Variants in MYOZ2 observed in about 807,000 individuals in gnomAD.
MYOZ2 encodes the protein myozenin-2.
In MYOZ2, 19 loss-of-function variants were observed where a neutral mutation model predicts 25.4. The ratio of observed to expected loss-of-function variants is 0.75; its 90% confidence interval spans 0.52 to 1.10. MYOZ2 has a LOEUF of 1.10. Among genes scored for constraint, MYOZ2 ranks in the 50% least tolerant of loss-of-function variants. MYOZ2 has a pLI of 0.00. For synonymous variants in MYOZ2, 92 were observed against 106.9 expected (o/e 0.86, Z 0.86); for missense variants, 270 against 317.9 (o/e 0.85, Z 1.15).
intron 4 of MYOZ2, among the ~76,000 whole-genome samples, chr4:119,163,164 C>G (rs971346997): frequency 3.3e-5 from 5 of 151,744 alleles, no homozygotes; most frequent in Non-Finnish European, 7.4e-5. Flanking sequence ...TGGAGGCAAT[C>G]TGAAGAAAAT....
At chr4:119,140,424 A>G (rs977623366) in intron 2 of MYOZ2, among the ~76,000 whole-genome samples, 7 of 152,234 alleles carry the variant, frequency 4.6e-5, no homozygotes, top group Non-Finnish European at 7.3e-5. Context: ...GATTCAGTGT[A>G]CAAGTTTGGT....
At chr4:119,153,790 A>G (rs984557433) in intron 3 of MYOZ2, among the ~76,000 whole-genome samples, 3 of 152,170 alleles carry the variant, frequency 2.0e-5, no homozygotes, top group Non-Finnish European at 2.9e-5. Context: ...AATTCAAGCT[A>G]CATATACTTT....
intron 5 of MYOZ2, among the ~76,000 whole-genome samples, chr4:119,176,911 G>T (rs1025288935): frequency 6.6e-5 from 10 of 152,114 alleles, no homozygotes; most frequent in African/African-American, 2.4e-4. Flanking sequence ...TTTAGGTTGT[G>T]CTCTAAGATT....
intron 2 of MYOZ2, among the ~76,000 whole-genome samples, chr4:119,140,902 A>T (rs1741146780): frequency 6.6e-6 from 1 of 152,228 alleles, no homozygotes; most frequent in Non-Finnish European, 1.5e-5. Context: ...ACAGAGACAT[A>T]TGAAATAAGA....
At chr4:119,165,398 C>A (rs2149225606) in intron 5 of MYOZ2, among the ~76,000 whole-genome samples, 1 of 151,970 alleles carries the variant, frequency 6.6e-6, no homozygotes, top group Middle Eastern at 3.4e-3. Context: ...GTAGTCCCAG[C>A]TACTTGGCAG....
At chr4:119,159,946 T>G (rs1013572960) in intron 4 of MYOZ2, among the ~76,000 whole-genome samples, 1 of 152,170 alleles carries the variant, frequency 6.6e-6, no homozygotes, top group Non-Finnish European at 1.5e-5. Context: ...CAACAAAAGT[T>G]ATGGCAGAAA....
At chr4:119,158,859 AG>A (rs2149223679) in intron 4 of MYOZ2, among the ~76,000 whole-genome samples, 1 of 152,318 alleles carries the variant, frequency 6.6e-6, no homozygotes, top group East Asian at 1.9e-4. Flanking sequence ...ATGTCTATGA[AG>A]CAACAAAGAA....
intron 2 of MYOZ2, among the ~76,000 whole-genome samples, chr4:119,145,338 GTTTTTTTTTT>G (rs60344545): frequency 4.0e-5 from 4 of 100,638 alleles, no homozygotes; most frequent in Non-Finnish European, 5.7e-5. Context: ...TGCGTGTGTG[GTTTTTTTTTT>G]TTTTTTTTTT....
rs7653944 is a variant in MYOZ2 at position 119,136,010 on chromosome 4, C to T, written c.-15+28C>T. 159,352 of 159,764 alleles carry T rather than the reference C, an allele frequency of 1. 79,471 individuals are homozygous for T. The highest frequency in any genetic ancestry group is 1 in the Middle Eastern group (306 of 306). The allele number at this position is 159,764 out of a possible 1,614,324, so 9.9% of individuals were successfully genotyped here. On this transcript the variant is annotated intron_variant, in intron 1 of 5. Transcript: ENST00000307128. The stretch of plus-strand genomic sequence containing the variant: ...GAGTATGTTGTTTCCTAAAATGTTT[C>T]ATTAGTCAGTTGTCCAAGGATATTC...
chr4:119,181,325 T>C (rs1380121907), intron 5 of MYOZ2, among the ~76,000 whole-genome samples: 1 of 152,186 alleles, frequency 6.6e-6, no homozygotes, highest in Non-Finnish European at 1.5e-5. Flanking sequence ...TTCCATATCT[T>C]TGGTTCATGA....
chr4:119,158,547 C>A (rs1309874326), intron 4 of MYOZ2, among the ~76,000 whole-genome samples: 1 of 151,966 alleles, frequency 6.6e-6, no homozygotes, highest in Non-Finnish European at 1.5e-5. Context: ...CAGAGTAAGA[C>A]CCTGACTCAA....
chr4:119,171,078 A>T (rs1290638405), intron 5 of MYOZ2, among the ~76,000 whole-genome samples: 1 of 152,176 alleles, frequency 6.6e-6, no homozygotes, highest in Non-Finnish European at 1.5e-5. Flanking sequence ...TAAAGGTAAA[A>T]GTTAAGACAT....
At chr4:119,160,331 T>A (rs1741678200) in intron 4 of MYOZ2, among the ~76,000 whole-genome samples, 1 of 148,098 alleles carries the variant, frequency 6.8e-6, no homozygotes, top group Admixed American at 6.7e-5. Context: ...TTTTTTTTTT[T>A]ATTAAATAGG....
chr4:119,145,338 GTTTTTTTTTTTT>G (rs60344545), intron 2 of MYOZ2, among the ~76,000 whole-genome samples: 1 of 100,642 alleles, frequency 9.9e-6, no homozygotes, highest in African/African-American at 4.3e-5. Flanking sequence ...TGCGTGTGTG[GTTTTTTTTTTTT>G]TTTTTTTTTT....
chr4:119,147,468 C>T (rs1006660184), intron 2 of MYOZ2, among the ~76,000 whole-genome samples: 3 of 152,040 alleles, frequency 2.0e-5, no homozygotes, highest in African/African-American at 7.2e-5. Context: ...TGGCCAGGCA[C>T]GGTGGCTCAT....
rs996021238 is a variant in MYOZ2 at position 119,186,875 on chromosome 4, T to G, written c.*675T>G. 1 of 152,362 alleles carries G rather than the reference T, an allele frequency of 6.6e-6. No homozygotes were observed. The highest frequency in any genetic ancestry group is 2.4e-5 in the African/African-American group (1 of 41,470). 9.4% of individuals were successfully genotyped at this position (152,362 alleles called of 1,614,324 possible). A position where few individuals can be genotyped will look rare whatever the true frequency, so the allele number is the denominator to read the frequency against. ...TGACTCAAGGGACGTCATAGTACCA[T>G]AGTTTTAAGGACCAAGGTGTGCCCA... On this transcript the variant is annotated 3_prime_UTR_variant, in exon 6 of 6. Transcript: ENST00000307128.
chr4:119,168,914 T>G (rs971406107), intron 5 of MYOZ2, among the ~76,000 whole-genome samples: 2 of 152,200 alleles, frequency 1.3e-5, no homozygotes, highest in African/African-American at 4.8e-5. Flanking sequence ...AGTTCTACTG[T>G]GGGTAAAATG....
chr4:119,136,662 ACGT>A (rs1741032382), intron 2 of MYOZ2, 61 bp downstream of exon 2: 1 of 1,504,436 alleles, frequency 6.6e-7, no homozygotes, highest in Admixed American at 1.7e-5. Flanking sequence ...CTCCATCCTG[ACGT>A]TGTTTAATAT....
intron 5 of MYOZ2, among the ~76,000 whole-genome samples, chr4:119,180,474 C>T (rs1373677396): frequency 6.6e-6 from 1 of 152,150 alleles, no homozygotes; most frequent in Non-Finnish European, 1.5e-5. Context: ...CTGCTATTCG[C>T]CTTTCTGTCA....
Sources: allele counts gnomAD v4.1 joint callset (sites outside exome capture counted in the v4.1 genomes callset), GRCh38; gene constraint gnomAD v4.1.1; transcripts MANE v1.5; gene names NCBI Gene and HGNC (gene_info 2026-07-23, HGNC 2026-07-21).